RBPJ: variants seen among roughly 807,000 people sequenced by gnomAD.
The protein encoded by RBPJ is recombination signal binding protein for immunoglobulin kappa J region.
A neutral mutation model predicts 67.8 loss-of-function variants in RBPJ; 9 were observed. The ratio of observed to expected loss-of-function variants is 0.13; its 90% CI spans 0.08 to 0.23. RBPJ has a LOEUF of 0.23. Among genes scored for constraint, RBPJ ranks in the 10% least tolerant of loss-of-function variants. The probability of loss-of-function intolerance (pLI) is 1.00; values close to 1 mark genes in which losing one functional copy is unlikely to be tolerated. For missense variants in RBPJ, 305 were observed against 595.6 expected (o/e 0.51, Z 5.08); for synonymous variants, 198 against 203.3 (o/e 0.97, Z 0.22).
At position 26,339,112 on chromosome 4, in the gene RBPJ, T is replaced by G. The variant is rs188447410; in HGVS notation, c.20+18064T>G. On this transcript the variant is annotated intron_variant, in intron 1 of 10. Transcript: ENST00000355476. ...CTGGGATTACAGGTGTGAGCCACTG[T>G]GCCAGCCTTATATTTTTATATTGTG... Among the ~76,000 whole-genome samples, 871 of 152,294 alleles carry G rather than the reference T, an allele frequency of 5.7e-3. 6 individuals are homozygous for G. The highest frequency in any genetic ancestry group is 0.02 in the African/African-American group (820 of 41,562).
chr4:26,286,064 T>TATGATCGTGCCGCG (rs1321926862), intron 1 of RBPJ, among the ~76,000 whole-genome samples: 26 of 152,304 alleles, frequency 1.7e-4, no homozygotes, highest in African/African-American at 5.8e-4. Flanking sequence ...ATCGTGCCGC[T>TATGATCGTGCCGCG]GCACTCCAGT....
intron 1 of RBPJ, among the ~76,000 whole-genome samples, chr4:26,283,536 C>A (rs1418379104): frequency 6.6e-6 from 1 of 151,668 alleles, no homozygotes; most frequent in Non-Finnish European, 1.5e-5. Context: ...TAGAAGGAGA[C>A]TCTGTCTCAA....
chr4:26,183,604 T>C (rs1219976022), intron 1 of RBPJ, among the ~76,000 whole-genome samples: 1 of 152,192 alleles, frequency 6.6e-6, no homozygotes, highest in Admixed American at 6.5e-5. Context: ...AATGGAGGTG[T>C]TGGGAAATTT....
At chr4:26,169,223 T>A (rs1184465616) in intron 1 of RBPJ, among the ~76,000 whole-genome samples, 2 of 152,158 alleles carry the variant, frequency 1.3e-5, no homozygotes, top group Non-Finnish European at 2.9e-5. Flanking sequence ...TGGTCTTTGA[T>A]GATGGTGATG....
intron 1 of RBPJ, among the ~76,000 whole-genome samples, chr4:26,352,425 T>C (rs1220290637): frequency 6.6e-6 from 1 of 152,208 alleles, no homozygotes; most frequent in African/African-American, 2.4e-5. Context: ...CCTCCTGATA[T>C]TGTGACGTTA....
intron 1 of RBPJ, among the ~76,000 whole-genome samples, chr4:26,205,060 C>T (rs1368384350): frequency 3.3e-5 from 5 of 152,136 alleles, no homozygotes; most frequent in Admixed American, 6.5e-5. Flanking sequence ...AGCAGAGTTA[C>T]GACTGCAGGA....
At chr4:26,142,196 A>G in the RBPJ span, among the ~76,000 whole-genome samples, 4 of 152,204 alleles carry the variant, frequency 2.6e-5, no homozygotes, top group East Asian at 1.9e-4. Context: ...GTAGTCACCA[A>G]CTTGAATCTT....
intron 1 of RBPJ, among the ~76,000 whole-genome samples, chr4:26,195,006 A>T (rs1239840990): frequency 6.6e-6 from 1 of 152,162 alleles, no homozygotes; most frequent in Non-Finnish European, 1.5e-5. Flanking sequence ...TTATACTGTA[A>T]GCCACCTCAA....
chr4:26,292,659 T>A (rs1212755618), intron 1 of RBPJ, among the ~76,000 whole-genome samples: 1 of 150,438 alleles, frequency 6.6e-6, no homozygotes, highest in African/African-American at 2.4e-5. Flanking sequence ...TGACCTCAAG[T>A]GAGCCACCTG....
intron 1 of RBPJ, among the ~76,000 whole-genome samples, chr4:26,170,454 T>C (rs1376202700): frequency 6.6e-6 from 1 of 150,732 alleles, no homozygotes. Context: ...GGTGGAAGGA[T>C]CACTTGAGCC....
chr4:26,226,782 G>A (rs1220947134), intron 1 of RBPJ, among the ~76,000 whole-genome samples: 1 of 152,116 alleles, frequency 6.6e-6, no homozygotes, highest in Non-Finnish European at 1.5e-5. Context: ...TAAAGTGAGG[G>A]TTACCATGGA....
At chr4:26,337,615 G>GT (rs1273561728) in intron 1 of RBPJ, among the ~76,000 whole-genome samples, 1 of 145,948 alleles carries the variant, frequency 6.9e-6, no homozygotes, top group Non-Finnish European at 1.5e-5. Context: ...TGGAATCACT[G>GT]TTTTTTCCAT....
the RBPJ span, among the ~76,000 whole-genome samples, chr4:26,108,868 T>C: frequency 6.6e-6 from 1 of 152,146 alleles, no homozygotes; most frequent in African/African-American, 2.4e-5. Context: ...CTGTCCAAGC[T>C]CAGTTTCCTT....
intron 1 of RBPJ, among the ~76,000 whole-genome samples, chr4:26,200,781 T>G (rs1717955443): frequency 6.6e-6 from 1 of 152,142 alleles, no homozygotes; most frequent in South Asian, 2.1e-4. Context: ...TTGTTTCATC[T>G]CAGGAGCCTC....
chr4:26,374,537 C>T (rs1729510361), intron 1 of RBPJ, among the ~76,000 whole-genome samples: 1 of 151,710 alleles, frequency 6.6e-6, no homozygotes, highest in Non-Finnish European at 1.5e-5. Context: ...TGCAGTGGCA[C>T]CATTTCGGCT....
At chr4:26,401,673 C>T (rs189910302) in intron 2 of RBPJ, among the ~76,000 whole-genome samples, 8 of 152,240 alleles carry the variant, frequency 5.3e-5, no homozygotes, top group African/African-American at 1.9e-4. Context: ...GAAAAATAAA[C>T]ATGAAACCTG....
At chr4:26,320,976 G>A (rs536671027), upstream of RBPJ, 1,935 of 1,613,460 alleles carry the variant, frequency 1.2e-3, 2 homozygotes, top group Non-Finnish European at 1.4e-3. Flanking sequence ...GACCAGGGAA[G>A]GCGTCGGGGG....
intron 1 of RBPJ, among the ~76,000 whole-genome samples, chr4:26,279,043 T>A (rs1721171913): frequency 6.6e-6 from 1 of 152,182 alleles, no homozygotes; most frequent in Admixed American, 6.5e-5. Context: ...ACAGTAGCTA[T>A]TTCATAGGAT....
At chr4:26,421,128 CAACTA>C (rs547033633) in intron 5 of RBPJ, among the ~76,000 whole-genome samples, 6 of 152,226 alleles carry the variant, frequency 3.9e-5, no homozygotes, top group African/African-American at 1.2e-4. Context: ...AAAACGCTAC[CAACTA>C]AATGGGCTTT....
Sources: allele counts gnomAD v4.1 joint callset (sites outside exome capture counted in the v4.1 genomes callset), GRCh38; gene constraint gnomAD v4.1.1; transcripts MANE v1.5; gene names NCBI Gene and HGNC (gene_info 2026-07-23, HGNC 2026-07-21).